The following DSC2 variants were observed in gnomAD, a reference collection of about 807,000 sequenced individuals.
DSC2 encodes the protein desmocollin 2.
A neutral mutation model predicts 87.6 loss-of-function variants in DSC2; 51 were observed. That is an observed-to-expected ratio of 0.58 (90% CI 0.46 to 0.74). The LOEUF (loss-of-function observed/expected upper bound fraction) is 0.74, where lower values mean the gene tolerates loss of function less well. DSC2 is among the 30% of genes least tolerant of loss of function. The pLI, the probability that DSC2 is intolerant of heterozygous loss-of-function variation, is 0.00. For missense variants in DSC2, 1,066 were observed against 1,089.5 expected, an observed-to-expected ratio of 0.98 and a Z score of 0.30; for synonymous variants, 383 against 393.2, an observed-to-expected ratio of 0.97 and a Z score of 0.31.
intron 7 of DSC2, among the ~76,000 whole-genome samples, chr18:31,085,997 A>G (rs1987382664): frequency 1.3e-5 from 2 of 152,152 alleles, no homozygotes; most frequent in Non-Finnish European, 2.9e-5. Context: ...CATCAAATAC[A>G]ATTTGGAGAC....
chr18:31,068,135 T>TCTTC lies in DSC2; in HGVS notation c.2582_2585dup (p.Gly863LysfsTer13), dbSNP rs780970079. 3.7e-6 allele frequency: 6 copies of TCTTC among 1,613,968 alleles called. No individual in the cohort carries two copies. The highest frequency in any genetic ancestry group is 5.1e-6 in the Non-Finnish European group (6 of 1,179,994). ...AACCTACAGACCCAGCCACCGATCCTCTTCCTTCATAGTTATATGTCAGGA... is the reference window on the plus strand; with the variant it reads ...AACCTACAGACCCAGCCACCGATCCTCTTCCTTCCTTCATAGTTATATGTCAGGA... On this transcript the variant is annotated frameshift_variant, in exon 16 of 16. Coordinates refer to ENST00000280904, the MANE Select transcript of DSC2 (RefSeq NM_024422.6). LOFTEE classifies it high-confidence loss of function.
intron 7 of DSC2, among the ~76,000 whole-genome samples, chr18:31,083,485 C>A (rs1038445184): frequency 3.3e-5 from 5 of 151,828 alleles, no homozygotes; most frequent in African/African-American, 1.2e-4. Context: ...GCCACAAGTG[C>A]ATTTAAAATT....
chr18:31,087,985 T>C (rs1331637432), intron 5 of DSC2, among the ~76,000 whole-genome samples, 172 bp from the exon 6 acceptor site: 2 of 152,208 alleles, frequency 1.3e-5, no homozygotes, highest in Non-Finnish European at 2.9e-5. Flanking sequence ...AGGTGCCTAA[T>C]TTCATGATTC....
At chr18:31,072,791 TA>T (rs1314280772) in intron 12 of DSC2, among the ~76,000 whole-genome samples, 1 of 152,222 alleles carries the variant, frequency 6.6e-6, no homozygotes, top group Admixed American at 6.5e-5. Flanking sequence ...TTTGAAGCTC[TA>T]AATACAAATT....
Position 31,070,730 on chromosome 18 carries a change from T to G in DSC2, c.2246A>C (p.Lys749Thr). 2 of 1,613,822 alleles carry G rather than the reference T, an allele frequency of 1.2e-6. No homozygotes were observed. Among genetic ancestry groups the G allele is most frequent in the Non-Finnish European group, 1.7e-6 (2 of 1,179,788 alleles). ...VSNTEAPGDD[K>T]VYSANGFTTQ... Reference sequence around the variant, plus strand: ...TTAAAAAGCCAGACTACTTACCACTTTGTCATCTCCAGGAGCTTCTGTGTT... The same window carrying G: ...TTAAAAAGCCAGACTACTTACCACTGTGTCATCTCCAGGAGCTTCTGTGTT... The change falls in exon 14 of 16, where the codon AAA (lysine) becomes ACA (threonine). Residue 749 changes from lysine (K) to threonine (T), a missense_variant. Physicochemically the swap from Lys to Thr is moderately conservative, Grantham distance 78. Coordinates refer to ENST00000280904, the MANE Select transcript of DSC2 (RefSeq NM_024422.6).
chr18:31,100,906 G>A (rs974525149), intron 1 of DSC2, among the ~76,000 whole-genome samples: 2 of 151,642 alleles, frequency 1.3e-5, no homozygotes, highest in African/African-American at 4.8e-5. Flanking sequence ...CGCTGCTCCC[G>A]GCATTGGCTT....
chr18:31,091,796 G>A (rs1987608300), intron 3 of DSC2, among the ~76,000 whole-genome samples: 1 of 152,034 alleles, frequency 6.6e-6, no homozygotes, highest in Non-Finnish European at 1.5e-5. Context: ...TTCAAAACTT[G>A]TTGTTAGAAA....
intron 1 of DSC2, among the ~76,000 whole-genome samples, chr18:31,099,038 G>C (rs1987851426): frequency 1.3e-5 from 2 of 152,076 alleles, no homozygotes; most frequent in Non-Finnish European, 2.9e-5. Flanking sequence ...TTGAAATACA[G>C]GACACTAAAA....
Position 31,082,347 on chromosome 18 carries a change from T to A in DSC2, c.1154A>T (p.Asn385Ile). Residue 385 changes from asparagine (N) to isoleucine (I), a missense_variant, in exon 9 of 16, where the codon AAT (asparagine) becomes ATT (isoleucine). Asn to Ile is a moderately radical substitution (Grantham distance 149). Transcript: ENST00000280904. ...ATAATTAGCTCTCCAGTTAGCAGTA[T>A]TCACTAAGTCCTTATCCTCAACAGT... ...RVTVEDKDLVNTANWRANYTI... is the reference protein window; with the variant it reads ...RVTVEDKDLVITANWRANYTI... The A allele has an allele frequency of 1.2e-6, 2 of 1,614,000 alleles. No homozygotes were observed. Among genetic ancestry groups the A allele is most frequent in the Non-Finnish European group, 1.7e-6 (2 of 1,179,970 alleles).
chr18:31,094,401 A>G (rs552747985), intron 1 of DSC2, among the ~76,000 whole-genome samples: 1 of 152,366 alleles, frequency 6.6e-6, no homozygotes, highest in South Asian at 2.1e-4. Flanking sequence ...TCTCATAAAT[A>G]AAAGTTAAGT....
At position 31,063,330 on chromosome 18, in the gene DSC2, C is replaced by CAAAAA. The variant is rs11365224; in HGVS notation, c.*4680_*4684dup. The CAAAAA allele has an allele frequency of 1.2e-5, 1 of 81,106 alleles. No individual in the cohort carries two copies. The highest frequency in any genetic ancestry group is 2.6e-5 in the Non-Finnish European group (1 of 38,960). The allele number at this position is 81,106 out of a possible 1,614,324, so 5.0% of individuals were successfully genotyped here. On this transcript the variant is annotated 3_prime_UTR_variant, in exon 16 of 16. Transcript: ENST00000280904. The stretch of plus-strand genomic sequence containing the variant: ...TAGGTGACAGAGTGAGATTCCGTCT[C>CAAAAA]AAAAAAAAAAAAAAAAAAATTAATG...
intron 12 of DSC2, among the ~76,000 whole-genome samples, chr18:31,073,283 C>T (rs1749150417): frequency 6.6e-6 from 1 of 151,596 alleles, no homozygotes; most frequent in Non-Finnish European, 1.5e-5. Context: ...TATCATGACA[C>T]CAAATAAGTA....
chr18:31,094,346 T>C lies in DSC2; in HGVS notation c.70-703A>G, dbSNP rs149715946. ...AATATTTATGTGTTACTCCACACAA[T>C]AGGCACATAACTTTGAAATATAAAA... On this transcript the variant is annotated intron_variant, in intron 1 of 15. Transcript: ENST00000280904. Among the ~76,000 whole-genome samples the C allele has an allele frequency of 2.8e-3, 428 of 152,348 alleles. 2 individuals carry two copies. Among genetic ancestry groups the C allele is most frequent in the Middle Eastern group, 0.02 (6 of 294 alleles).
chr18:31,093,081 A>T (rs977065217), intron 2 of DSC2, among the ~76,000 whole-genome samples: 6 of 152,236 alleles, frequency 3.9e-5, no homozygotes, highest in Admixed American at 6.5e-5. Flanking sequence ...CAGAGTTATC[A>T]TTCTAAAAAT....
chr18:31,061,123 A>G lies in DSC2; in HGVS notation c.*6892T>C, dbSNP rs919895356. The stretch of plus-strand genomic sequence containing the variant: ...TGTGACTGATTCATGAGGGATCTCT[A>G]TTTTCAGCAACACCAGGGTGATTCT... On this transcript the variant is annotated 3_prime_UTR_variant, in exon 16 of 16. Coordinates refer to ENST00000280904, the MANE Select transcript of DSC2 (RefSeq NM_024422.6). 1.3e-5 allele frequency: 2 copies of G among 152,150 alleles called. No homozygotes were observed. Among genetic ancestry groups the G allele is most frequent in the African/African-American group, 4.8e-5 (2 of 41,430 alleles). 9.4% of individuals were successfully genotyped at this position (152,150 alleles called of 1,614,324 possible). A position where few individuals can be genotyped will look rare whatever the true frequency, so the allele number is the denominator to read the frequency against.
intron 1 of DSC2, among the ~76,000 whole-genome samples, chr18:31,094,610 C>T (rs1354730127): frequency 6.6e-6 from 1 of 152,104 alleles, no homozygotes; most frequent in Admixed American, 6.6e-5. Context: ...AGACAGTTAA[C>T]TAGCATTTAC....
intron 13 of DSC2, 115 bp downstream of exon 13, chr18:31,071,490 G>A: frequency 1.1e-6 from 1 of 891,462 alleles, no homozygotes; most frequent in Non-Finnish European, 1.9e-6. Context: ...AGTCTGCAGT[G>A]AGCGGAGATC....
chr18:31,075,023 A>G, intron 11 of DSC2, 116 bp from the exon 12 acceptor site: 6 of 1,025,662 alleles, frequency 5.8e-6, no homozygotes, highest in Non-Finnish European at 8.8e-6. Context: ...AGTTACAATG[A>G]CAAGCAGTCA....
At chr18:31,083,804 C>G (rs761154557) in intron 7 of DSC2, among the ~76,000 whole-genome samples, 1 of 152,092 alleles carries the variant, frequency 6.6e-6, no homozygotes, top group Non-Finnish European at 1.5e-5. Flanking sequence ...TTTTAAACAT[C>G]TGAAGCATTT....
Sources: gnomAD v4.1 joint callset for allele counts (sites outside exome capture counted in the v4.1 genomes callset) on GRCh38, gnomAD v4.1.1 for gene constraint, MANE v1.5 for transcripts, NCBI Gene and HGNC (gene_info 2026-07-23, HGNC 2026-07-21) for gene names.